Variants in AGMO observed in about 807,000 individuals in gnomAD.
AGMO encodes the protein alkylglycerol monooxygenase.
A neutral mutation model predicts 60.2 loss-of-function variants in AGMO; 75 were observed. That is an observed-to-expected ratio of 1.25 (90% CI 1.03 to 1.51). The LOEUF is 1.51. Ranked by LOEUF, AGMO falls within the 40% of genes most tolerant of loss-of-function variation. The pLI, the probability that AGMO is intolerant of heterozygous loss-of-function variation, is 0.00. For synonymous variants in AGMO, 261 were observed against 177.1 expected (o/e 1.47, Z -3.76); for missense variants, 763 against 525.5 (o/e 1.45, Z -4.42).
chr7:15,250,985 G>A (rs1310765458), intron 12 of AGMO, among the ~76,000 whole-genome samples: 1 of 151,352 alleles, frequency 6.6e-6, no homozygotes, highest in East Asian at 1.9e-4. Flanking sequence ...TGTGTTAGCA[G>A]GAAAAAAATT....
At chr7:15,529,451 A>G (rs1367895620) in intron 3 of AGMO, among the ~76,000 whole-genome samples, 1 of 146,504 alleles carries the variant, frequency 6.8e-6, no homozygotes, top group Non-Finnish European at 1.5e-5. Context: ...CAACAAAAAA[A>G]ACAACAATTA....
chr7:15,292,340 C>G lies in AGMO; in HGVS notation c.1263+73174G>C, dbSNP rs112039966. ...ACTGTTGAGAGCTCCCTTGGTGATT[C>G]TAATGTGCAGCCACAACTGAGAAGC... On this transcript the variant is annotated intron_variant, in intron 12 of 12. Coordinates refer to ENST00000342526, the MANE Select transcript of AGMO (RefSeq NM_001004320.2). 8.5e-5 allele frequency among the ~76,000 whole-genome samples: 13 copies of G among 152,194 alleles called. 1 individual carries two copies. Among genetic ancestry groups the G allele is most frequent in the African/African-American group, 3.1e-4 (13 of 41,538 alleles).
intron 3 of AGMO, among the ~76,000 whole-genome samples, chr7:15,447,216 A>T (rs928471578): frequency 3.3e-5 from 5 of 152,204 alleles, no homozygotes; most frequent in Non-Finnish European, 7.4e-5. Context: ...GAGAATCTTG[A>T]TCGACTTAAT....
chr7:15,427,932 C>A (rs1043545742), intron 4 of AGMO, among the ~76,000 whole-genome samples: 3 of 126,314 alleles, frequency 2.4e-5, no homozygotes, highest in African/African-American at 8.8e-5. Context: ...TTATGTGTAA[C>A]TTCTTCAAAA....
intron 2 of AGMO, among the ~76,000 whole-genome samples, chr7:15,557,500 T>G (rs1370422087): frequency 2.0e-5 from 3 of 152,018 alleles, no homozygotes; most frequent in African/African-American, 7.2e-5. Flanking sequence ...GTTTTAAGAA[T>G]TGATGTCAAA....
intron 12 of AGMO, among the ~76,000 whole-genome samples, chr7:15,284,177 G>A (rs79636944): frequency 0.022 from 3,293 of 151,888 alleles, 118 homozygotes; most frequent in African/African-American, 0.076. Flanking sequence ...GGCAACCAGA[G>A]AAACAAGAAC....
intron 8 of AGMO, 117 bp downstream of exon 8, chr7:15,390,554 A>T: frequency 1.5e-6 from 1 of 668,976 alleles, no homozygotes; most frequent in East Asian, 3.0e-5. Flanking sequence ...TTTAACAGTT[A>T]AAAATTTTTT....
chr7:15,420,419 C>T (rs1198263708), intron 4 of AGMO, among the ~76,000 whole-genome samples: 1 of 151,856 alleles, frequency 6.6e-6, no homozygotes, highest in South Asian at 2.1e-4. Flanking sequence ...GAGGAACTGA[C>T]CAATGGAAAA....
downstream of AGMO, among the ~76,000 whole-genome samples, chr7:15,198,270 AGAGT>A (rs1563030558): frequency 2.7e-3 from 306 of 113,180 alleles, 11 homozygotes; most frequent in Non-Finnish European, 2.3e-3. Flanking sequence ...AGACAGAGAG[AGAGT>A]GTGTTAAAGT....
intron 3 of AGMO, among the ~76,000 whole-genome samples, chr7:15,517,918 C>T (rs1303553659): frequency 1.3e-5 from 2 of 152,142 alleles, no homozygotes; most frequent in African/African-American, 2.4e-5. Flanking sequence ...CTAAGATCCA[C>T]TGGTTTGAAA....
chr7:15,346,099 G>A (rs2128551720), intron 12 of AGMO, among the ~76,000 whole-genome samples: 1 of 152,196 alleles, frequency 6.6e-6, no homozygotes, highest in East Asian at 1.9e-4. Flanking sequence ...CGCTTGGTTG[G>A]TATAGCCAAA....
chr7:15,163,976 T>C, the AGMO span, among the ~76,000 whole-genome samples: 1 of 152,048 alleles, frequency 6.6e-6, no homozygotes, highest in African/African-American at 2.4e-5. Context: ...GTTATTGTTG[T>C]TGGGAGATTT....
At chr7:15,327,442 C>CA (rs1404178775) in intron 12 of AGMO, among the ~76,000 whole-genome samples, 1 of 152,248 alleles carries the variant, frequency 6.6e-6, no homozygotes, top group East Asian at 1.9e-4. Context: ...GGCTGAGTCT[C>CA]AGACATCTTT....
chr7:15,531,647 A>ATATTCT (rs1784367874), intron 3 of AGMO, among the ~76,000 whole-genome samples: 1 of 93,208 alleles, frequency 1.1e-5, no homozygotes, highest in African/African-American at 4.1e-5. Context: ...ATATATAGAA[A>ATATTCT]ATATAAATAT....
At chr7:15,117,729 T>C in the AGMO span, among the ~76,000 whole-genome samples, 1 of 152,162 alleles carries the variant, frequency 6.6e-6, no homozygotes, top group African/African-American at 2.4e-5. Flanking sequence ...CATGGCCGCA[T>C]GCTTTCTTAT....
the AGMO span, among the ~76,000 whole-genome samples, chr7:15,134,603 T>C: frequency 4.6e-4 from 70 of 152,196 alleles, no homozygotes; most frequent in Non-Finnish European, 7.5e-4. Context: ...GACTGCCAGC[T>C]CCATCCATGT....
chr7:15,401,872 A>T (rs1334928843), intron 5 of AGMO, among the ~76,000 whole-genome samples: 1 of 152,086 alleles, frequency 6.6e-6, no homozygotes, highest in Non-Finnish European at 1.5e-5. Context: ...ATGAAATCTC[A>T]TAGTGGAATA....
At chr7:15,279,524 G>C (rs1005216373) in intron 12 of AGMO, among the ~76,000 whole-genome samples, 4 of 151,360 alleles carry the variant, frequency 2.6e-5, no homozygotes, top group Admixed American at 1.3e-4. Flanking sequence ...GATTTGTTTT[G>C]TTTTGTTCTC....
At chr7:15,491,634 T>G (rs897690366) in intron 3 of AGMO, among the ~76,000 whole-genome samples, 1 of 152,136 alleles carries the variant, frequency 6.6e-6, no homozygotes, top group Non-Finnish European at 1.5e-5. Flanking sequence ...CAACCCAAGA[T>G]GAAGCCCCAA....
Sources: gnomAD v4.1 joint callset for allele counts (sites outside exome capture counted in the v4.1 genomes callset) on GRCh38, gnomAD v4.1.1 for gene constraint, MANE v1.5 for transcripts, NCBI Gene and HGNC (gene_info 2026-07-23, HGNC 2026-07-21) for gene names.